The following FANCL variants were observed in gnomAD, a reference collection of about 807,000 sequenced individuals.
The protein encoded by FANCL is E3 ubiquitin-protein ligase FANCL.
In FANCL, 69 loss-of-function variants were observed where a neutral mutation model predicts 59.4. The ratio of observed to expected loss-of-function variants is 1.16; its 90% confidence interval spans 0.96 to 1.42. The LOEUF is 1.42. FANCL is among the 40% of genes most tolerant of loss of function. The pLI is 0.00. For synonymous variants in FANCL, 180 were observed against 147.1 expected, an observed-to-expected ratio of 1.22 and a Z score of -1.62; for missense variants, 519 against 447.2, an observed-to-expected ratio of 1.16 and a Z score of -1.45.
intron 1 of FANCL, among the ~76,000 whole-genome samples, chr2:58,235,912 C>T (rs919664051): frequency 2.0e-5 from 3 of 151,172 alleles, no homozygotes; most frequent in African/African-American, 7.3e-5. Context: ...TATTAGTATA[C>T]CTGAAGACAT....
intron 4 of FANCL, among the ~76,000 whole-genome samples, chr2:58,225,507 T>C (rs953386803): frequency 2.0e-5 from 3 of 151,972 alleles, no homozygotes; most frequent in African/African-American, 7.2e-5. Flanking sequence ...AATCATTAGG[T>C]GACAGTCTGA....
intron 2 of FANCL, among the ~76,000 whole-genome samples, chr2:58,231,758 T>G (rs901114102): frequency 1.3e-5 from 2 of 152,228 alleles, no homozygotes; most frequent in African/African-American, 4.8e-5. Flanking sequence ...TCTAATCCTT[T>G]TGTTCTCCCT....
chr2:58,179,394 C>T (rs1019635536), intron 7 of FANCL, among the ~76,000 whole-genome samples: 7 of 151,976 alleles, frequency 4.6e-5, no homozygotes, highest in Admixed American at 1.3e-4. Flanking sequence ...GAGATATAGA[C>T]CAATGGAACA....
At chr2:58,175,025 A>G (rs1225465617) in intron 7 of FANCL, among the ~76,000 whole-genome samples, 1 of 152,092 alleles carries the variant, frequency 6.6e-6, no homozygotes, top group African/African-American at 2.4e-5. Flanking sequence ...AATAAACTAG[A>G]AAATCTAGAA....
intron 5 of FANCL, among the ~76,000 whole-genome samples, chr2:58,214,904 G>T (rs984634091): frequency 6.6e-6 from 1 of 152,086 alleles, no homozygotes; most frequent in African/African-American, 2.4e-5. Flanking sequence ...AAAAATGAGT[G>T]ATTCAAAAAT....
intron 6 of FANCL, among the ~76,000 whole-genome samples, chr2:58,201,641 T>C (rs1690034042): frequency 6.6e-6 from 1 of 152,036 alleles, no homozygotes; most frequent in African/African-American, 2.4e-5. Flanking sequence ...GCTGCTACTT[T>C]TGTAAAGCAA....
rs1692576022 is a variant in FANCL at position 58,222,405 on chromosome 2, A to G, written c.274-363T>C. ...GATGTTTGATATATACATTTTTTAA[A>G]AAGTACCTCTAAAGAAAGGCCTGAA... is the stretch of plus-strand genomic sequence containing the variant. On this transcript the variant is annotated intron_variant, in intron 4 of 13. Transcript: ENST00000233741. Among the ~76,000 whole-genome samples the G allele has an allele frequency of 3.9e-5, 6 of 152,238 alleles. No individual in the cohort carries two copies. In the South Asian group the frequency reaches 1.2e-3, roughly 32 times the overall value.
chr2:58,198,864 TA>T (rs939642327), intron 6 of FANCL, among the ~76,000 whole-genome samples: 2 of 151,626 alleles, frequency 1.3e-5, no homozygotes, highest in Non-Finnish European at 2.9e-5. Context: ...TCGCCTCTAC[TA>T]AAAAATACAA....
intron 7 of FANCL, among the ~76,000 whole-genome samples, chr2:58,179,393 A>G (rs949506490): frequency 3.3e-5 from 5 of 152,198 alleles, no homozygotes; most frequent in Non-Finnish European, 7.3e-5. Flanking sequence ...AGAGATATAG[A>G]CCAATGGAAC....
chr2:58,174,050 A>G (rs544411107), intron 7 of FANCL, among the ~76,000 whole-genome samples: 1 of 152,290 alleles, frequency 6.6e-6, no homozygotes, highest in African/African-American at 2.4e-5. Flanking sequence ...AGGCCATTAC[A>G]TAATGGTAAA....
chr2:58,235,761 A>C (rs946610536), intron 1 of FANCL, among the ~76,000 whole-genome samples: 1 of 152,150 alleles, frequency 6.6e-6, no homozygotes, highest in African/African-American at 2.4e-5. Context: ...CATACGTTCA[A>C]GAAGGTAAAG....
chr2:58,183,234 C>T (rs1688095541), intron 7 of FANCL, among the ~76,000 whole-genome samples: 2 of 151,398 alleles, frequency 1.3e-5, no homozygotes, highest in Admixed American at 1.3e-4. Flanking sequence ...ACATAATTCC[C>T]TAAAAAGTAT....
chr2:58,217,032 G>A (rs572681764), intron 5 of FANCL, among the ~76,000 whole-genome samples: 1 of 148,620 alleles, frequency 6.7e-6, no homozygotes, highest in South Asian at 2.1e-4. Context: ...TGCAGACTCT[G>A]TATGACTGAA....
chr2:58,193,955 C>A (rs1297338766), intron 7 of FANCL, among the ~76,000 whole-genome samples: 2 of 152,060 alleles, frequency 1.3e-5, no homozygotes, highest in Non-Finnish European at 2.9e-5. Context: ...TACCCAAATG[C>A]TAGTATACTG....
chr2:58,241,107 T>C (rs1694499383), intron 1 of FANCL, 111 bp downstream of exon 1: 6 of 1,174,654 alleles, frequency 5.1e-6, no homozygotes, highest in Non-Finnish European at 7.5e-6. Context: ...GCGCCGCCCC[T>C]CTCAATCCCC....
intron 7 of FANCL, among the ~76,000 whole-genome samples, chr2:58,184,027 G>C (rs573626130): frequency 4.3e-4 from 66 of 151,962 alleles, no homozygotes; most frequent in Admixed American, 9.9e-4. Flanking sequence ...AGGTATAGAA[G>C]TCAAGAATTC....
intron 7 of FANCL, among the ~76,000 whole-genome samples, chr2:58,183,302 G>A (rs1382361185): frequency 6.6e-6 from 1 of 151,668 alleles, no homozygotes; most frequent in African/African-American, 2.4e-5. Flanking sequence ...TTCACTAATT[G>A]CAGAGCTTCA....
chr2:58,169,737 A>G (rs1558746389), intron 7 of FANCL, among the ~76,000 whole-genome samples: 5 of 152,098 alleles, frequency 3.3e-5, no homozygotes, highest in African/African-American at 1.2e-4. Context: ...AAAACACAGC[A>G]CGAGAACTTT....
At chr2:58,236,819 T>C (rs1251017009) in intron 1 of FANCL, among the ~76,000 whole-genome samples, 2 of 152,118 alleles carry the variant, frequency 1.3e-5, no homozygotes, top group Non-Finnish European at 2.9e-5. Context: ...TATATGTTAA[T>C]ATTGGAAAAT....
Sources: allele counts gnomAD v4.1 joint callset (sites outside exome capture counted in the v4.1 genomes callset), GRCh38; gene constraint gnomAD v4.1.1; transcripts MANE v1.5; gene names NCBI Gene and HGNC (gene_info 2026-07-23, HGNC 2026-07-21).